Variants in TMEM45B observed in about 807,000 individuals in gnomAD.
TMEM45B encodes the protein transmembrane protein 45B.
TMEM45B carries 29 observed loss-of-function variants against 27.3 expected under a neutral mutation model. The observed-to-expected ratio is 1.06, with a 90% CI of 0.79 to 1.45. The LOEUF is 1.45. Ranked by LOEUF, TMEM45B falls within the 40% of genes most tolerant of loss-of-function variation. The pLI is 0.00. For missense variants in TMEM45B, 348 were observed against 343.9 expected, an observed-to-expected ratio of 1.01 and a Z score of -0.09; for synonymous variants, 143 against 134.7, an observed-to-expected ratio of 1.06 and a Z score of -0.43.
At chr11:129,855,148 C>T (rs1167843433) in intron 3 of TMEM45B, among the ~76,000 whole-genome samples, 1 of 152,160 alleles carries the variant, frequency 6.6e-6, no homozygotes, top group Non-Finnish European at 1.5e-5. Context: ...TATGTGCGCA[C>T]ATACACATGC....
At chr11:129,845,339 G>T (rs1591446056) in intron 1 of TMEM45B, among the ~76,000 whole-genome samples, 1 of 65,848 alleles carries the variant, frequency 1.5e-5, no homozygotes, top group African/African-American at 7.0e-5. Context: ...TATTATAGAT[G>T]TGTGTGTGTG....
At chr11:129,819,025 G>A (rs539549334) in intron 1 of TMEM45B, among the ~76,000 whole-genome samples, 53 of 152,310 alleles carry the variant, frequency 3.5e-4, no homozygotes, top group African/African-American at 1.2e-3. Flanking sequence ...GTCTGTGACA[G>A]CAAACATAAC....
chr11:129,818,532 C>A (rs1947379290), intron 1 of TMEM45B, among the ~76,000 whole-genome samples: 1 of 152,182 alleles, frequency 6.6e-6, no homozygotes, highest in African/African-American at 2.4e-5. Context: ...TGTATGTGGT[C>A]CAGGGTTAGC....
intron 1 of TMEM45B, among the ~76,000 whole-genome samples, chr11:129,816,627 A>C (rs1204307658): frequency 1.3e-5 from 2 of 152,148 alleles, no homozygotes; most frequent in Non-Finnish European, 2.9e-5. Context: ...TAGAGGGAAG[A>C]AAGATGTGAG....
intron 1 of TMEM45B, among the ~76,000 whole-genome samples, chr11:129,842,916 C>G (rs562090): frequency 0.33 from 50,251 of 151,996 alleles, 8,678 homozygotes; most frequent in East Asian, 0.48. Context: ...GAGCTAAATC[C>G]AAAATATACA....
At chr11:129,819,951 A>C (rs527311714) in intron 1 of TMEM45B, among the ~76,000 whole-genome samples, 1 of 152,290 alleles carries the variant, frequency 6.6e-6, no homozygotes, top group Middle Eastern at 3.4e-3. Context: ...TATCACATAC[A>C]CACTGTTAAC....
rs1182347804 is a variant in TMEM45B at position 129,858,667 on chromosome 11, T to TGG, written c.811_812dup (p.Ser272AlafsTer21). 6.4e-7 allele frequency: 1 copy of TGG among 1,563,348 alleles called. No individual in the cohort carries two copies. Among genetic ancestry groups the TGG allele is most frequent in the East Asian group, 2.3e-5 (1 of 43,054 alleles). On this transcript the variant is annotated frameshift_variant, in exon 6 of 6. Transcript: ENST00000281441. LOFTEE classifies it high-confidence loss of function. ...ACACTTACCAGACCGCCCTCTTGAG[T>TGG]GGCTCAGATGAGGAATGAGCCGAGA...
chr11:129,853,385 T>C (rs529527261), intron 2 of TMEM45B, among the ~76,000 whole-genome samples: 6 of 152,350 alleles, frequency 3.9e-5, no homozygotes, highest in Non-Finnish European at 8.8e-5. Flanking sequence ...CAGTGGCCTA[T>C]GGCTTCTTGG....
chr11:129,846,181 T>C (rs1947758305), intron 1 of TMEM45B, among the ~76,000 whole-genome samples: 1 of 151,992 alleles, frequency 6.6e-6, no homozygotes, highest in South Asian at 2.1e-4. Flanking sequence ...AAAACAAAAG[T>C]GTTAGGCCAG....
At chr11:129,825,506 A>G (rs569854226) in intron 1 of TMEM45B, among the ~76,000 whole-genome samples, 10 of 152,134 alleles carry the variant, frequency 6.6e-5, no homozygotes, top group African/African-American at 1.9e-4. Context: ...TGTTGGATCT[A>G]TGAGTCTGAG....
At chr11:129,837,777 CTTTTTTTTT>C (rs1159669879) in intron 1 of TMEM45B, among the ~76,000 whole-genome samples, 2 of 69,026 alleles carry the variant, frequency 2.9e-5, no homozygotes, top group Admixed American at 4.5e-4. Flanking sequence ...AGGCTAGTTT[CTTTTTTTTT>C]TTTTTTTTTT....
At chr11:129,848,248 C>T (rs1226549625) in intron 1 of TMEM45B, among the ~76,000 whole-genome samples, 1 of 152,182 alleles carries the variant, frequency 6.6e-6, no homozygotes, top group African/African-American at 2.4e-5. Context: ...AACGAGACTC[C>T]GTCTGCAATC....
At chr11:129,848,455 T>C (rs978322758) in intron 1 of TMEM45B, among the ~76,000 whole-genome samples, 42 of 152,168 alleles carry the variant, frequency 2.8e-4, no homozygotes, top group African/African-American at 1.0e-3. Flanking sequence ...TGAGCCGAGA[T>C]GGCAGCAGCA....
chr11:129,855,590 A>G, intron 3 of TMEM45B, 118 bp from the exon 4 acceptor site: 1 of 928,252 alleles, frequency 1.1e-6, no homozygotes, highest in Non-Finnish European at 1.7e-6. Flanking sequence ...GCTGCCTGTA[A>G]TGTTATGTAC....
Position 129,859,861 on chromosome 11 carries a change from T to C in TMEM45B, c.*1176T>C, listed in dbSNP as rs1016637890. The stretch of plus-strand genomic sequence containing the variant: ...CTTCCTTCAACAAATATTTATTAAA[T>C]ATCCACTTTGCAACAGCACTGAAAT... On this transcript the variant is annotated 3_prime_UTR_variant, in exon 6 of 6. Transcript: ENST00000281441. 5 of 152,486 alleles carry C rather than the reference T, an allele frequency of 3.3e-5. No individual in the cohort carries two copies. Among genetic ancestry groups the C allele is most frequent in the African/African-American group, 7.2e-5 (3 of 41,418 alleles). 9.4% of individuals were successfully genotyped at this position (152,486 alleles called of 1,614,324 possible). A position where few individuals can be genotyped will look rare whatever the true frequency, so the allele number is the denominator to read the frequency against.
chr11:129,837,720 T>C (rs1029253767), intron 1 of TMEM45B, among the ~76,000 whole-genome samples: 1 of 150,768 alleles, frequency 6.6e-6, no homozygotes, highest in Non-Finnish European at 1.5e-5. Context: ...CAGCTAATTT[T>C]TTTTTTCTTT....
At chr11:129,834,277 A>C (rs692465) in intron 1 of TMEM45B, among the ~76,000 whole-genome samples, 2 of 149,988 alleles carry the variant, frequency 1.3e-5, no homozygotes, top group Non-Finnish European at 3.0e-5. Flanking sequence ...CTAAAAATAC[A>C]AAAATTATCC....
chr11:129,820,116 C>T (rs1177748335), intron 1 of TMEM45B, among the ~76,000 whole-genome samples: 1 of 151,864 alleles, frequency 6.6e-6, no homozygotes, highest in African/African-American at 2.4e-5. Flanking sequence ...GAGTTCAAGA[C>T]CAGCCTGGCC....
At chr11:129,825,955 G>A (rs1229718367) in intron 1 of TMEM45B, among the ~76,000 whole-genome samples, 3 of 149,742 alleles carry the variant, frequency 2.0e-5, no homozygotes, top group South Asian at 2.1e-4. Context: ...TAAGGATAGT[G>A]TTAATTACAG....
Sources: allele counts gnomAD v4.1 joint callset (sites outside exome capture counted in the v4.1 genomes callset), GRCh38; gene constraint gnomAD v4.1.1; transcripts MANE v1.5; gene names NCBI Gene and HGNC (gene_info 2026-07-23, HGNC 2026-07-21).